The following PTPRT variants were observed in gnomAD, a reference collection of about 807,000 sequenced individuals.
The protein encoded by PTPRT is receptor-type tyrosine-protein phosphatase T.
Under a neutral mutation model 176.8 loss-of-function variants are expected in PTPRT, and 56 were observed. The observed-to-expected ratio is 0.32, with a 90% confidence interval of 0.26 to 0.40. PTPRT has a LOEUF of 0.40. Among genes scored for constraint, PTPRT ranks in the 10% least tolerant of loss-of-function variants. PTPRT has a pLI of 1.00. For synonymous variants in PTPRT, 783 were observed against 739.0 expected, an observed-to-expected ratio of 1.06 and a Z score of -0.96; for missense variants, 1,540 against 1,908.2, an observed-to-expected ratio of 0.81 and a Z score of 3.60.
intron 1 of PTPRT, among the ~76,000 whole-genome samples, chr20:43,154,176 C>T (rs922403920): frequency 6.6e-6 from 1 of 152,104 alleles, no homozygotes; most frequent in African/African-American, 2.4e-5. Context: ...GTCTTTAATC[C>T]ATTTTCAGTT....
At chr20:42,626,112 T>C (rs1014440752) in intron 7 of PTPRT, among the ~76,000 whole-genome samples, 1 of 152,122 alleles carries the variant, frequency 6.6e-6, no homozygotes, top group African/African-American at 2.4e-5. Context: ...ACCGTATTTT[T>C]CTAAGCCAAA....
chr20:42,434,811 A>C (rs1056953384), intron 9 of PTPRT, among the ~76,000 whole-genome samples: 1 of 151,260 alleles, frequency 6.6e-6, no homozygotes, highest in Non-Finnish European at 1.5e-5. Flanking sequence ...AAAATTAAAA[A>C]AAAAATAGCC....
chr20:42,697,588 C>CA (rs1311454427), intron 6 of PTPRT, among the ~76,000 whole-genome samples: 3 of 152,190 alleles, frequency 2.0e-5, no homozygotes, highest in African/African-American at 7.2e-5. Flanking sequence ...TTCACACACA[C>CA]AGCAAGGATT....
At chr20:42,468,967 A>G in intron 8 of PTPRT, among the ~76,000 whole-genome samples, 1 of 152,076 alleles carries the variant, frequency 6.6e-6, no homozygotes, top group Non-Finnish European at 1.5e-5. Flanking sequence ...ATTTCCCACA[A>G]CCAGTTAGAT....
Position 42,102,165 on chromosome 20 carries a change from C to T in PTPRT, c.3673G>A (p.Asp1225Asn). The change falls in exon 26 of 31, where the codon GAC becomes AAC. Residue 1225 changes from aspartate to asparagine, a missense_variant. Transcript: ENST00000373187. Reference sequence around the variant, plus strand: ...TTGATGTAATTGCTGGATTCTCCGTCCACTGAGATAAGGAAGGGCAGGCAG... The same window carrying T: ...TTGATGTAATTGCTGGATTCTCCGTTCACTGAGATAAGGAAGGGCAGGCAG... ...DRCLPFLISV[D>N]GESSNYINAA... 1.9e-6 allele frequency: 3 copies of T among 1,614,194 alleles called. No individual in the cohort carries two copies. Among genetic ancestry groups the T allele is most frequent in the Non-Finnish European group, 2.5e-6 (3 of 1,180,028 alleles).
intron 7 of PTPRT, among the ~76,000 whole-genome samples, chr20:42,607,119 C>T (rs961576455): frequency 1.3e-5 from 2 of 152,140 alleles, no homozygotes; most frequent in African/African-American, 4.8e-5. Context: ...ATTCTACTTA[C>T]ATGAGACACT....
intron 17 of PTPRT, among the ~76,000 whole-genome samples, chr20:42,151,764 T>C (rs1176515000): frequency 6.6e-6 from 1 of 152,222 alleles, no homozygotes; most frequent in Non-Finnish European, 1.5e-5. Context: ...TTCTTTTTTC[T>C]TACAAGGGCA....
At chr20:42,713,529 A>G (rs1348591758) in intron 6 of PTPRT, among the ~76,000 whole-genome samples, 2 of 152,158 alleles carry the variant, frequency 1.3e-5, no homozygotes, top group African/African-American at 4.8e-5. Flanking sequence ...CTCTTCAGAA[A>G]TTTCACCATA....
chr20:42,624,877 C>A (rs7262694), intron 7 of PTPRT, among the ~76,000 whole-genome samples: 1 of 152,228 alleles, frequency 6.6e-6, no homozygotes, highest in South Asian at 2.1e-4. Flanking sequence ...TCAGGACTAG[C>A]ATATACGGTG....
At chr20:42,371,712 A>G (rs2058589093) in intron 9 of PTPRT, among the ~76,000 whole-genome samples, 1 of 152,162 alleles carries the variant, frequency 6.6e-6, no homozygotes, top group Admixed American at 6.5e-5. Flanking sequence ...CCACTATATC[A>G]TATATTTGAG....
intron 2 of PTPRT, among the ~76,000 whole-genome samples, chr20:42,818,909 A>T (rs1267523951): frequency 6.6e-6 from 1 of 152,224 alleles, no homozygotes; most frequent in Non-Finnish European, 1.5e-5. Context: ...TCATAAAAAG[A>T]CTGAACCTAC....
intron 27 of PTPRT, among the ~76,000 whole-genome samples, chr20:42,092,400 T>G (rs1224185989): frequency 1.3e-5 from 2 of 152,182 alleles, no homozygotes; most frequent in Non-Finnish European, 2.9e-5. Flanking sequence ...GCAAATTTTA[T>G]TTAAATCTTC....
the PTPRT span, among the ~76,000 whole-genome samples, chr20:42,058,800 G>T: frequency 6.6e-6 from 1 of 152,134 alleles, no homozygotes; most frequent in Non-Finnish European, 1.5e-5. Context: ...CTGCAGACCT[G>T]CTCCCAAACA....
intron 16 of PTPRT, among the ~76,000 whole-genome samples, chr20:42,176,719 C>T (rs1482839448): frequency 4.6e-5 from 7 of 152,094 alleles, no homozygotes; most frequent in Admixed American, 1.3e-4. Context: ...TAATACTTAG[C>T]TAAACTAGAA....
At chr20:42,498,560 C>T (rs538125741) in intron 7 of PTPRT, among the ~76,000 whole-genome samples, 5 of 152,170 alleles carry the variant, frequency 3.3e-5, no homozygotes, top group Admixed American at 1.3e-4. Flanking sequence ...CTATCTCTTG[C>T]GGGGGAAGTT....
At chr20:42,326,888 T>C (rs1467055369) in intron 11 of PTPRT, among the ~76,000 whole-genome samples, 1 of 151,524 alleles carries the variant, frequency 6.6e-6, no homozygotes, top group East Asian at 1.9e-4. Flanking sequence ...AAGATGTGGA[T>C]GGCCATAATT....
intron 10 of PTPRT, among the ~76,000 whole-genome samples, chr20:42,351,257 A>G (rs2058279445): frequency 6.6e-6 from 1 of 152,158 alleles, no homozygotes; most frequent in Non-Finnish European, 1.5e-5. Context: ...CAGTTTTTCC[A>G]AATTCTGAAT....
At chr20:42,530,246 A>G (rs1372828970) in intron 7 of PTPRT, among the ~76,000 whole-genome samples, 5 of 152,340 alleles carry the variant, frequency 3.3e-5, no homozygotes, top group South Asian at 4.1e-4. Flanking sequence ...CCCAGCCTTT[A>G]AAGATCACCT....
intron 6 of PTPRT, among the ~76,000 whole-genome samples, chr20:42,731,053 C>A (rs1210353935): frequency 1.3e-5 from 2 of 152,160 alleles, no homozygotes; most frequent in East Asian, 1.9e-4. Context: ...CTGTGCCCCC[C>A]ACCACCCTTC....
Sources: allele counts gnomAD v4.1 joint callset (sites outside exome capture counted in the v4.1 genomes callset), GRCh38; gene constraint gnomAD v4.1.1; transcripts MANE v1.5; gene names NCBI Gene and HGNC (gene_info 2026-07-23, HGNC 2026-07-21).